The following FGF14 variants were observed in gnomAD, a reference collection of about 807,000 sequenced individuals.
FGF14 encodes the protein fibroblast growth factor homologous factor 4.
FGF14 carries 5 observed loss-of-function variants against 25.5 expected under a neutral mutation model. The observed-to-expected ratio is 0.20, with a 90% CI of 0.10 to 0.41. The LOEUF is 0.41. Ranked by LOEUF, FGF14 falls within the 10% of genes least tolerant of loss-of-function variation. The pLI is 1.00. For missense variants in FGF14, 222 were observed against 320.1 expected (o/e 0.69, Z 2.34); for synonymous variants, 138 against 118.3 (o/e 1.17, Z -1.08).
intron 3 of FGF14, among the ~76,000 whole-genome samples, chr13:101,821,404 T>G (rs971416653): frequency 6.6e-6 from 1 of 152,192 alleles, no homozygotes; most frequent in African/African-American, 2.4e-5. Flanking sequence ...TAGTATTCTG[T>G]GTTATGAATA....
intron 1 of FGF14, among the ~76,000 whole-genome samples, chr13:102,270,927 C>T (rs538068541): frequency 2.5e-4 from 38 of 152,294 alleles, no homozygotes; most frequent in African/African-American, 9.1e-4. Context: ...ATTGTTACCA[C>T]TGAATAAATG....
chr13:102,178,306 A>G (rs2048528324), intron 1 of FGF14, among the ~76,000 whole-genome samples: 1 of 152,162 alleles, frequency 6.6e-6, no homozygotes, highest in African/African-American at 2.4e-5. Context: ...AATGGCTACT[A>G]AAAACTGACT....
At chr13:101,961,191 C>T (rs185029618) in intron 1 of FGF14, among the ~76,000 whole-genome samples, 104 of 152,224 alleles carry the variant, frequency 6.8e-4, no homozygotes, top group African/African-American at 2.4e-3. Flanking sequence ...TTAAGTTTAA[C>T]TAGATCCCAT....
chr13:102,153,981 A>G (rs1566752270), intron 1 of FGF14, among the ~76,000 whole-genome samples: 1 of 152,190 alleles, frequency 6.6e-6, no homozygotes, highest in East Asian at 1.9e-4. Flanking sequence ...AAGGAAATCA[A>G]TATTTAAAGA....
chr13:102,100,036 TAGG>T (rs1333377730), intron 1 of FGF14, among the ~76,000 whole-genome samples: 8 of 152,154 alleles, frequency 5.3e-5, no homozygotes, highest in African/African-American at 1.4e-4. Context: ...GGGATGAGGC[TAGG>T]AGAAGATAAA....
chr13:101,962,731 G>A (rs1594841889), intron 1 of FGF14, among the ~76,000 whole-genome samples: 1 of 152,064 alleles, frequency 6.6e-6, no homozygotes, highest in African/African-American at 2.4e-5. Flanking sequence ...CATGACAGTT[G>A]TATGCAACAT....
At chr13:102,279,259 G>T (rs2053707070) in intron 1 of FGF14, among the ~76,000 whole-genome samples, 1 of 152,054 alleles carries the variant, frequency 6.6e-6, no homozygotes, top group Non-Finnish European at 1.5e-5. Flanking sequence ...CTTCTCCCAA[G>T]TAATATATTT....
intron 1 of FGF14, among the ~76,000 whole-genome samples, chr13:101,931,510 C>G (rs573910487): frequency 6.6e-6 from 1 of 152,328 alleles, no homozygotes; most frequent in South Asian, 2.1e-4. Context: ...ATGCTCCCCT[C>G]TCTCCTCCTC....
chr13:101,938,148 C>T (rs1322709), intron 1 of FGF14, among the ~76,000 whole-genome samples: 3,386 of 152,230 alleles, frequency 0.022, 115 homozygotes, highest in African/African-American at 0.077. Context: ...CAGTGGGGGT[C>T]GGAATGGTCA....
intron 1 of FGF14, among the ~76,000 whole-genome samples, chr13:101,984,074 A>G (rs1594904057): frequency 6.6e-6 from 1 of 152,176 alleles, no homozygotes; most frequent in South Asian, 2.1e-4. Flanking sequence ...CATTCATATA[A>G]CAGAGATAAT....
At chr13:102,161,695 A>AT (rs1346684756) in intron 1 of FGF14, among the ~76,000 whole-genome samples, 21,072 of 117,234 alleles carry the variant, frequency 0.18, 1,609 homozygotes, top group Admixed American at 0.24. Flanking sequence ...GAAGAAGAAG[A>AT]AGAAGAAGAA....
chr13:101,878,440 G>C (rs2045518810), intron 1 of FGF14, among the ~76,000 whole-genome samples: 1 of 152,132 alleles, frequency 6.6e-6, no homozygotes, highest in African/African-American at 2.4e-5. Flanking sequence ...ATAGGTGAAT[G>C]TGTAGCAATT....
At chr13:102,271,664 TA>T (rs1300716864) in intron 1 of FGF14, among the ~76,000 whole-genome samples, 2 of 152,202 alleles carry the variant, frequency 1.3e-5, no homozygotes, top group Non-Finnish European at 2.9e-5. Flanking sequence ...ACTATAAGTT[TA>T]AATTCCAAAT....
chr13:102,314,203 T>C (rs2055909637), intron 1 of FGF14, among the ~76,000 whole-genome samples: 1 of 152,354 alleles, frequency 6.6e-6, no homozygotes, highest in Non-Finnish European at 1.5e-5. Context: ...TTAGCAACAA[T>C]GTAATTTGCC....
intron 3 of FGF14, among the ~76,000 whole-genome samples, chr13:101,776,105 T>A (rs1248896877): frequency 2.6e-5 from 4 of 152,162 alleles, no homozygotes; most frequent in Non-Finnish European, 5.9e-5. Context: ...AGATGAACAT[T>A]ACACATAGGT....
chr13:102,265,984 T>C (rs2052971618), intron 1 of FGF14, among the ~76,000 whole-genome samples: 1 of 151,918 alleles, frequency 6.6e-6, no homozygotes, highest in Non-Finnish European at 1.5e-5. Flanking sequence ...AAAATTACAA[T>C]TGCAATGAAA....
At chr13:102,106,867 T>C (rs983301456) in intron 1 of FGF14, among the ~76,000 whole-genome samples, 3 of 152,246 alleles carry the variant, frequency 2.0e-5, no homozygotes, top group African/African-American at 7.2e-5. Flanking sequence ...ACTCATTTCA[T>C]CTTTACTTAA....
chr13:102,058,742 G>GT (rs1027304820), intron 1 of FGF14, among the ~76,000 whole-genome samples: 4 of 152,048 alleles, frequency 2.6e-5, no homozygotes, highest in Admixed American at 2.0e-4. Context: ...ATTTTAATGA[G>GT]TTTTTTAATG....
chr13:101,830,031 G>A (rs1347469680), intron 3 of FGF14, among the ~76,000 whole-genome samples: 1 of 152,042 alleles, frequency 6.6e-6, no homozygotes, highest in Non-Finnish European at 1.5e-5. Context: ...CTTACTCCCT[G>A]GGAGACCTTA....
Sources: allele counts gnomAD v4.1 joint callset (sites outside exome capture counted in the v4.1 genomes callset), GRCh38; gene constraint gnomAD v4.1.1; transcripts MANE v1.5; gene names NCBI Gene and HGNC (gene_info 2026-07-23, HGNC 2026-07-21).